Variants in FGD4 observed in about 807,000 individuals in gnomAD.
FGD4 encodes the protein FYVE, RhoGEF and PH domain-containing protein 4.
Under a neutral mutation model 102.0 loss-of-function variants are expected in FGD4, and 42 were observed. The ratio of observed to expected loss-of-function variants is 0.41; its 90% CI spans 0.32 to 0.53. The LOEUF is 0.53. FGD4 is among the 20% of genes least tolerant of loss of function. The pLI, the probability that FGD4 is intolerant of heterozygous loss-of-function variation, is 0.21. For synonymous variants in FGD4, 380 were observed against 375.7 expected, an observed-to-expected ratio of 1.01 and a Z score of -0.13; for missense variants, 902 against 1,078.2, an observed-to-expected ratio of 0.84 and a Z score of 2.29.
intron 1 of FGD4, among the ~76,000 whole-genome samples, chr12:32,412,005 G>A (rs1229983624): frequency 6.6e-6 from 1 of 152,110 alleles, no homozygotes; most frequent in South Asian, 2.1e-4. Flanking sequence ...TAGAGAAAAA[G>A]CATACAGATT....
intron 7 of FGD4, among the ~76,000 whole-genome samples, chr12:32,606,604 T>C (rs1037502621): frequency 1.3e-5 from 2 of 152,142 alleles, no homozygotes; most frequent in African/African-American, 2.4e-5. Context: ...CCTGTACTTA[T>C]CAGAGGTTGC....
intron 7 of FGD4, among the ~76,000 whole-genome samples, chr12:32,606,170 A>G (rs1440060567): frequency 6.6e-6 from 1 of 152,182 alleles, no homozygotes; most frequent in East Asian, 1.9e-4. Context: ...ACCCAATGAG[A>G]TATTTAAATT....
intron 1 of FGD4, among the ~76,000 whole-genome samples, chr12:32,529,706 G>T (rs888972219): frequency 6.6e-6 from 1 of 151,838 alleles, no homozygotes; most frequent in Non-Finnish European, 1.5e-5. Flanking sequence ...AGCCAGACAT[G>T]GTGGCCCATA....
At chr12:32,417,955 C>CTTTT (rs55826183) in intron 1 of FGD4, among the ~76,000 whole-genome samples, 1 of 105,170 alleles carries the variant, frequency 9.5e-6, no homozygotes, top group Non-Finnish European at 1.8e-5. Flanking sequence ...TGTCTTAGTT[C>CTTTT]TTTTTTTTTT....
intron 1 of FGD4, among the ~76,000 whole-genome samples, chr12:32,513,605 T>G (rs1183102462): frequency 6.6e-6 from 1 of 152,174 alleles, no homozygotes; most frequent in East Asian, 1.9e-4. Context: ...GTCCTCTGAA[T>G]TAAGACTGGC....
At chr12:32,574,701 T>G (rs1945989485) in intron 2 of FGD4, 1 of 152,120 alleles carries the variant, frequency 6.6e-6, no homozygotes, top group Admixed American at 6.6e-5. Context: ...TATAATAAAT[T>G]GATAACTGGC....
intron 4 of FGD4, chr12:32,582,810 C>T (rs190913653): frequency 2.3e-5 from 6 of 258,808 alleles, no homozygotes; most frequent in Non-Finnish European, 3.0e-5. Context: ...CTAATACTTA[C>T]GGGCCAAGCA....
At chr12:32,462,047 C>A (rs1226255024) in intron 1 of FGD4, among the ~76,000 whole-genome samples, 1 of 151,940 alleles carries the variant, frequency 6.6e-6, no homozygotes, top group African/African-American at 2.4e-5. Flanking sequence ...TTAACCATGA[C>A]CTTTTAAGTT....
chr12:32,624,584 T>G, intron 12 of FGD4, 132 bp downstream of exon 12: 1 of 779,742 alleles, frequency 1.3e-6, no homozygotes, highest in Non-Finnish European at 2.2e-6. Context: ...AAGCCTTGCA[T>G]CTCAGCCTCT....
intron 1 of FGD4, among the ~76,000 whole-genome samples, chr12:32,481,773 A>C (rs1943772769): frequency 6.6e-6 from 1 of 151,162 alleles, no homozygotes; most frequent in Non-Finnish European, 1.5e-5. Flanking sequence ...GTGAGCCAAG[A>C]TTGTGCCACT....
intron 1 of FGD4, among the ~76,000 whole-genome samples, chr12:32,528,111 G>C (rs1166350224): frequency 1.3e-5 from 2 of 151,866 alleles, no homozygotes; most frequent in Non-Finnish European, 2.9e-5. Flanking sequence ...GCTGATTTTT[G>C]TATTTTTAGT....
chr12:32,489,260 C>T (rs1944013213), intron 1 of FGD4, among the ~76,000 whole-genome samples: 1 of 152,200 alleles, frequency 6.6e-6, no homozygotes, highest in South Asian at 2.1e-4. Flanking sequence ...CCCTTCTTGG[C>T]ATCTCTCCTG....
At chr12:32,438,849 C>T (rs1447650700) in intron 1 of FGD4, among the ~76,000 whole-genome samples, 2 of 152,072 alleles carry the variant, frequency 1.3e-5, no homozygotes, top group African/African-American at 2.4e-5. Context: ...ACCTCGTGAT[C>T]CGCCTGCCTT....
intron 1 of FGD4, among the ~76,000 whole-genome samples, chr12:32,475,258 C>T (rs1036629832): frequency 6.6e-6 from 1 of 152,086 alleles, no homozygotes; most frequent in African/African-American, 2.4e-5. Context: ...TTTTAACTGG[C>T]TCTATTAGTC....
chr12:32,578,611 T>G (rs1946326816), intron 3 of FGD4, among the ~76,000 whole-genome samples: 1 of 152,108 alleles, frequency 6.6e-6, no homozygotes, highest in Non-Finnish European at 1.5e-5. Context: ...GGTTGGATTG[T>G]CTGAGCTCAG....
intron 1 of FGD4, among the ~76,000 whole-genome samples, chr12:32,413,766 TG>T: frequency 6.6e-6 from 1 of 152,302 alleles, no homozygotes; most frequent in East Asian, 1.9e-4. Flanking sequence ...CTTCGGACCA[TG>T]GTCACTTATG....
chr12:32,446,678 A>G (rs1359354589), intron 1 of FGD4, among the ~76,000 whole-genome samples: 1 of 152,214 alleles, frequency 6.6e-6, no homozygotes, highest in Non-Finnish European at 1.5e-5. Context: ...CTCAAGTGCC[A>G]GCGTGCCATA....
intron 1 of FGD4, among the ~76,000 whole-genome samples, chr12:32,431,415 G>C (rs922521522): frequency 6.6e-6 from 1 of 151,824 alleles, no homozygotes; most frequent in African/African-American, 2.4e-5. Flanking sequence ...ACTTTTTTTC[G>C]TTTGGAAAAG....
intron 1 of FGD4, among the ~76,000 whole-genome samples, chr12:32,472,753 C>T (rs1042362732): frequency 2.6e-5 from 4 of 152,252 alleles, no homozygotes; most frequent in Non-Finnish European, 4.4e-5. Context: ...CAGCTGGGCT[C>T]CTGAGTCTGG....
Sources: gnomAD v4.1 joint callset for allele counts (sites outside exome capture counted in the v4.1 genomes callset) on GRCh38, gnomAD v4.1.1 for gene constraint, MANE v1.5 for transcripts, NCBI Gene and HGNC (gene_info 2026-07-23, HGNC 2026-07-21) for gene names.